The following GALNT5 variants were observed in gnomAD, a reference collection of about 807,000 sequenced individuals.
The protein encoded by GALNT5 is UDP-GalNAc:polypeptide N-acetylgalactosaminyltransferase 5.
A neutral mutation model predicts 85.4 loss-of-function variants in GALNT5; 72 were observed. The ratio of observed to expected loss-of-function variants is 0.84; its 90% CI spans 0.70 to 1.03. The LOEUF is 1.03. Among genes scored for constraint, GALNT5 ranks in the 50% least tolerant of loss-of-function variants. The pLI, the probability that GALNT5 is intolerant of heterozygous loss-of-function variation, is 0.00. For synonymous variants in GALNT5, 404 were observed against 397.0 expected (o/e 1.02, Z -0.21); for missense variants, 1,137 against 1,135.5 (o/e 1.00, Z -0.02).
At chr2:157,272,326 A>C (rs1340388790) in intron 1 of GALNT5, among the ~76,000 whole-genome samples, 1 of 152,118 alleles carries the variant, frequency 6.6e-6, no homozygotes, top group East Asian at 1.9e-4. Flanking sequence ...TTCTCCCAAA[A>C]TTGTCCACAA....
intron 2 of GALNT5, 28 bp downstream of exon 2, chr2:157,284,476 G>T (rs1369354164): frequency 6.2e-7 from 1 of 1,600,434 alleles, no homozygotes; most frequent in East Asian, 2.2e-5. Flanking sequence ...GCTATCTCTT[G>T]AAATTTCAAA....
chr2:157,266,617 C>A (rs1439795941), intron 1 of GALNT5, among the ~76,000 whole-genome samples: 2 of 152,136 alleles, frequency 1.3e-5, no homozygotes, highest in Admixed American at 1.3e-4. Context: ...GCAATCCTCA[C>A]AGCAACCCTA....
intron 9 of GALNT5, among the ~76,000 whole-genome samples, chr2:157,309,072 G>C (rs796384208): frequency 6.6e-5 from 10 of 152,282 alleles, no homozygotes; most frequent in African/African-American, 2.4e-4. Context: ...CTTATAAGGA[G>C]AGGATATGGG....
intron 1 of GALNT5, among the ~76,000 whole-genome samples, chr2:157,272,520 AC>A (rs1682612625): frequency 6.6e-6 from 1 of 152,118 alleles, no homozygotes; most frequent in Non-Finnish European, 1.5e-5. Context: ...TTCAACTGTT[AC>A]CCCTCCTTCC....
intron 2 of GALNT5, among the ~76,000 whole-genome samples, chr2:157,284,988 T>C (rs564053377): frequency 1.1e-4 from 17 of 152,358 alleles, no homozygotes; most frequent in Admixed American, 2.0e-4. Context: ...GCCTTTATGT[T>C]CATTTTTGCT....
intron 1 of GALNT5, among the ~76,000 whole-genome samples, chr2:157,264,606 T>G (rs998157692): frequency 6.6e-5 from 10 of 151,822 alleles, no homozygotes; most frequent in Non-Finnish European, 1.2e-4. Context: ...GGTTTTTTTT[T>G]GGCACATTTG....
intron 1 of GALNT5, among the ~76,000 whole-genome samples, chr2:157,271,302 G>T (rs1682579361): frequency 6.6e-6 from 1 of 152,216 alleles, no homozygotes; most frequent in African/African-American, 2.4e-5. Context: ...TGTGTGAGGG[G>T]AGAGTGGAAT....
In GALNT5 at chr2:157,311,429, G is replaced by A. The variant is rs879015851; in HGVS notation, c.*81G>A. On this transcript the variant is annotated 3_prime_UTR_variant, in exon 10 of 10. Transcript: ENST00000259056. ...GAACTTGGAAACTATATTTCTCAGC[G>A]GTAGTTTAAATTTTCAATTTTAATA... is the stretch of plus-strand genomic sequence containing the variant. 32 of 928,126 alleles carry A rather than the reference G, an allele frequency of 3.4e-5. No homozygotes were observed. The Middle Eastern group carries it at 8.0e-4, about 23-fold the overall frequency. 57.5% of individuals were successfully genotyped at this position (928,126 alleles called of 1,614,324 possible). A position where few individuals can be genotyped will look rare whatever the true frequency, so the allele number is the denominator to read the frequency against.
At chr2:157,281,085 CT>C (rs1328586945) in intron 1 of GALNT5, among the ~76,000 whole-genome samples, 1 of 152,134 alleles carries the variant, frequency 6.6e-6, no homozygotes, top group Non-Finnish European at 1.5e-5. Context: ...TAGATGAAGT[CT>C]CACTCTGTCA....
chr2:157,303,811 G>A (rs1466463752), intron 7 of GALNT5, among the ~76,000 whole-genome samples: 2 of 152,184 alleles, frequency 1.3e-5, no homozygotes, highest in Non-Finnish European at 2.9e-5. Flanking sequence ...GTTCTTGGAA[G>A]GATTATACAA....
chr2:157,284,506 T>C (rs1475788272), intron 2 of GALNT5, 58 bp downstream of exon 2: 12 of 1,396,164 alleles, frequency 8.6e-6, no homozygotes, highest in East Asian at 2.3e-5. Context: ...AAGCAAAGTT[T>C]AGTAGCAGTT....
chr2:157,281,768 T>G (rs931413790), intron 1 of GALNT5, among the ~76,000 whole-genome samples: 1 of 152,162 alleles, frequency 6.6e-6, no homozygotes, highest in Non-Finnish European at 1.5e-5. Flanking sequence ...AAGAAAATGA[T>G]CCGTGTTACA....
At position 157,258,615 on chromosome 2, in the gene GALNT5, G is replaced by A. The variant is rs775879673; in HGVS notation, c.533G>A (p.Gly178Glu). ...APKTSFIAAK[G>E]TQVVKISVHM... ...AAGACCTCATTCATAGCAGCAAAAG[G>A]AACTCAGGTAGTCAAAATATCAGTA... The change falls in exon 1 of 10, where the codon GGA (glycine) becomes GAA (glutamate). Residue 178 changes from glycine (G) to glutamate (E), a missense_variant. Physicochemically the swap from Gly to Glu is moderately conservative, Grantham distance 98. Transcript: ENST00000259056. 1 of 1,613,674 alleles carries A rather than the reference G, an allele frequency of 6.2e-7. No individual in the cohort carries two copies. Among genetic ancestry groups the A allele is most frequent in the Non-Finnish European group, 8.5e-7 (1 of 1,179,956 alleles).
chr2:157,265,508 T>C (rs1230543954), intron 1 of GALNT5, among the ~76,000 whole-genome samples: 1 of 152,324 alleles, frequency 6.6e-6, no homozygotes, highest in African/African-American at 2.4e-5. Context: ...TCCTAAATAC[T>C]GTGAAAGCCC....
chr2:157,279,329 G>A (rs749576010), intron 1 of GALNT5, among the ~76,000 whole-genome samples: 5 of 152,244 alleles, frequency 3.3e-5, no homozygotes, highest in Non-Finnish European at 5.9e-5. Context: ...CTCAAACGCC[G>A]TGCTGGGAGA....
At chr2:157,302,174 G>A (rs1683357563) in intron 7 of GALNT5, 2 of 152,224 alleles carry the variant, frequency 1.3e-5, no homozygotes, top group East Asian at 3.9e-4. Context: ...GTGACCATTA[G>A]TTATCCCGCC....
intron 3 of GALNT5, among the ~76,000 whole-genome samples, chr2:157,292,820 C>G (rs1003196412): frequency 1.3e-5 from 2 of 152,214 alleles, no homozygotes; most frequent in African/African-American, 4.8e-5. Context: ...ATTCTCCTGC[C>G]TAGGCCTCCT....
intron 3 of GALNT5, among the ~76,000 whole-genome samples, chr2:157,293,648 T>C (rs1683148326): frequency 6.6e-6 from 1 of 152,180 alleles, no homozygotes; most frequent in Non-Finnish European, 1.5e-5. Flanking sequence ...TTCTCACAGA[T>C]GGTTTCACTA....
chr2:157,318,178 T>G lies in GALNT5; in HGVS notation c.*6830T>G, dbSNP rs1174382273. On this transcript the variant is annotated 3_prime_UTR_variant, in exon 10 of 10. Coordinates refer to ENST00000259056, the MANE Select transcript of GALNT5 (RefSeq NM_014568.3). ...CTCTATTATTACTTATTTTAAATGT[T>G]TTCCCTATCACATTGAAAAACTTAA... Among the ~76,000 whole-genome samples the G allele has an allele frequency of 6.6e-6, 1 of 152,164 alleles. No individual in the cohort carries two copies. The highest frequency in any genetic ancestry group is 2.0e-4 in the East Asian group (1 of 5,072).
Sources: gnomAD v4.1 joint callset for allele counts (sites outside exome capture counted in the v4.1 genomes callset) on GRCh38, gnomAD v4.1.1 for gene constraint, MANE v1.5 for transcripts, NCBI Gene and HGNC (gene_info 2026-07-23, HGNC 2026-07-21) for gene names.